KALRN: variants seen among roughly 807,000 people sequenced by gnomAD.
KALRN encodes the protein kalirin.
A neutral mutation model predicts 353.7 loss-of-function variants in KALRN; 70 were observed. That is an observed-to-expected ratio of 0.20 (90% CI 0.16 to 0.24). The LOEUF is 0.24. Ranked by LOEUF, KALRN falls within the 10% of genes least tolerant of loss-of-function variation. The pLI, the probability that KALRN is intolerant of heterozygous loss-of-function variation, is 1.00. For synonymous variants in KALRN, 1,391 were observed against 1,434.8 expected (o/e 0.97, Z 0.69); for missense variants, 2,791 against 3,756.7 (o/e 0.74, Z 6.72).
intron 5 of KALRN, among the ~76,000 whole-genome samples, chr3:124,286,420 T>C (rs987232817): frequency 4.6e-5 from 7 of 152,056 alleles, no homozygotes; most frequent in African/African-American, 1.7e-4. Context: ...CCTGGCTATA[T>C]TTTTGTCTTT....
intron 11 of KALRN, among the ~76,000 whole-genome samples, chr3:124,392,471 G>A (rs77469242): frequency 0.042 from 6,353 of 151,578 alleles, 190 homozygotes; most frequent in Middle Eastern, 0.099. Flanking sequence ...AAGCCAAGGT[G>A]CAGAGAGAAT....
chr3:124,189,856 T>G (rs573917138), intron 1 of KALRN, among the ~76,000 whole-genome samples: 181 of 151,554 alleles, frequency 1.2e-3, no homozygotes, highest in Non-Finnish European at 1.8e-3. Flanking sequence ...GGAGAATCAC[T>G]TGAACCCAGG....
At chr3:124,705,138 C>A (rs2062538549) in intron 57 of KALRN, among the ~76,000 whole-genome samples, 1 of 152,174 alleles carries the variant, frequency 6.6e-6, no homozygotes, top group Non-Finnish European at 1.5e-5. Flanking sequence ...GGGATTGTCA[C>A]TGGAAATGCT....
chr3:124,372,997 C>G (rs34782438), intron 10 of KALRN, among the ~76,000 whole-genome samples: 2 of 152,064 alleles, frequency 1.3e-5, no homozygotes, highest in East Asian at 1.9e-4. Flanking sequence ...CTCCCTCCCC[C>G]AGCCCATCCT....
At chr3:124,439,787 G>A (rs973193365) in intron 18 of KALRN, among the ~76,000 whole-genome samples, 2 of 152,174 alleles carry the variant, frequency 1.3e-5, no homozygotes, top group South Asian at 4.1e-4. Context: ...AGCTGGTGTG[G>A]GAAGTCCTTG....
At chr3:124,163,776 T>G in intron 1 of KALRN, 2 of 985,436 alleles carry the variant, frequency 2.0e-6, no homozygotes, top group Non-Finnish European at 2.4e-6. Flanking sequence ...GTTCTCTCCT[T>G]CTCCTTCCAA....
intron 9 of KALRN, among the ~76,000 whole-genome samples, chr3:124,339,041 G>C (rs2081411632): frequency 6.6e-6 from 1 of 152,182 alleles, no homozygotes; most frequent in African/African-American, 2.4e-5. Context: ...TTGGGAATGA[G>C]GTGGAGCCTA....
chr3:124,246,782 AT>A (rs1271069203), intron 3 of KALRN, among the ~76,000 whole-genome samples: 1 of 152,184 alleles, frequency 6.6e-6, no homozygotes, highest in Non-Finnish European at 1.5e-5. Context: ...GTGAAATAAG[AT>A]CCAATGCATT....
At chr3:124,125,594 C>G (rs2064559582) in intron 1 of KALRN, among the ~76,000 whole-genome samples, 1 of 152,194 alleles carries the variant, frequency 6.6e-6, no homozygotes, top group African/African-American at 2.4e-5. Context: ...CAGGCCCACT[C>G]TTCCTTATTC....
rs2086456863 is a variant in KALRN, at chr3:124,671,575, T to C, written c.6704-85T>C. On this transcript the variant is annotated intron_variant, in intron 47 of 59. Coordinates refer to ENST00000682506, the MANE Select transcript of KALRN (RefSeq NM_001388419.1). Reference sequence around the variant, plus strand: ...TTTTCTCACTTATCCACACGATGCCTAACACAAAGCCTTGGACCTAAGAGG... The same window carrying C: ...TTTTCTCACTTATCCACACGATGCCCAACACAAAGCCTTGGACCTAAGAGG... 1.0e-5 allele frequency: 9 copies of C among 894,782 alleles called. No individual in the cohort carries two copies. In the South Asian group the frequency reaches 1.3e-4, roughly 13 times the overall value. 55.4% of individuals were successfully genotyped at this position (894,782 alleles called of 1,614,324 possible). A position where few individuals can be genotyped will look rare whatever the true frequency, so the allele number is the denominator to read the frequency against.
At chr3:124,133,209 A>T (rs946005986) in intron 1 of KALRN, among the ~76,000 whole-genome samples, 2 of 152,196 alleles carry the variant, frequency 1.3e-5, no homozygotes, top group Non-Finnish European at 2.9e-5. Flanking sequence ...GTTTTTGAAT[A>T]CTAATTTGGT....
At chr3:124,040,562 T>G (rs1256703783) in intron 1 of KALRN, among the ~76,000 whole-genome samples, 1 of 152,170 alleles carries the variant, frequency 6.6e-6, no homozygotes, top group African/African-American at 2.4e-5. Flanking sequence ...AAAATGTCAG[T>G]AATGCTGAGA....
At chr3:124,150,506 G>A (rs962641719) in intron 1 of KALRN, among the ~76,000 whole-genome samples, 8 of 151,928 alleles carry the variant, frequency 5.3e-5, no homozygotes, top group Non-Finnish European at 1.2e-4. Flanking sequence ...ATTTACATTA[G>A]GTATATCTCC....
intron 2 of KALRN, among the ~76,000 whole-genome samples, chr3:124,231,342 C>G (rs189814279): frequency 6.6e-6 from 1 of 152,336 alleles, no homozygotes; most frequent in African/African-American, 2.4e-5. Flanking sequence ...TTTTATCCAG[C>G]CTTCTCATGT....
chr3:124,674,710 G>A, intron 49 of KALRN, 96 bp downstream of exon 49: 1 of 1,277,618 alleles, frequency 7.8e-7, no homozygotes, highest in Non-Finnish European at 1.1e-6. Context: ...ACATGGTAGG[G>A]AATTACTACT....
At position 124,299,115 on chromosome 3, in the gene KALRN, T is replaced by C. The variant is rs559549564; in HGVS notation, c.1092+202T>C. Reference sequence around the variant, plus strand: ...TGCAGCAGATTATGCCTCCAGATCCTGCTTTACACAGTGAAAGAATGTGTC... The same window carrying C: ...TGCAGCAGATTATGCCTCCAGATCCCGCTTTACACAGTGAAAGAATGTGTC... On this transcript the variant is annotated intron_variant, in intron 6 of 59. Coordinates refer to ENST00000682506, the MANE Select transcript of KALRN (RefSeq NM_001388419.1). Among the ~76,000 whole-genome samples, 73 of 152,354 alleles carry C rather than the reference T, an allele frequency of 4.8e-4. 1 individual carries two copies. The highest frequency in any genetic ancestry group is 5.0e-4 in the Non-Finnish European group (34 of 68,036).
At chr3:124,431,359 G>A (rs1432570291) in intron 16 of KALRN, among the ~76,000 whole-genome samples, 25 of 152,174 alleles carry the variant, frequency 1.6e-4, no homozygotes, top group Admixed American at 1.6e-3. Flanking sequence ...GCAACCAGAA[G>A]AAGCTTATCA....
intron 31 of KALRN, 48 bp downstream of exon 31, chr3:124,491,472 A>C: frequency 7.2e-7 from 1 of 1,388,394 alleles, no homozygotes; most frequent in Non-Finnish European, 9.8e-7. Context: ...GGGATAATAG[A>C]AGTGGGGGTG....
At chr3:124,343,978 A>C (rs555468668) in intron 9 of KALRN, among the ~76,000 whole-genome samples, 1 of 152,362 alleles carries the variant, frequency 6.6e-6, no homozygotes, top group East Asian at 1.9e-4. Context: ...GCTGCCTGAC[A>C]AAAACAAAAA....
Sources: gnomAD v4.1 joint callset for allele counts (sites outside exome capture counted in the v4.1 genomes callset) on GRCh38, gnomAD v4.1.1 for gene constraint, MANE v1.5 for transcripts, NCBI Gene and HGNC (gene_info 2026-07-23, HGNC 2026-07-21) for gene names.